ADGRL2: variants seen among roughly 807,000 people sequenced by gnomAD.
ADGRL2 encodes adhesion G protein-coupled receptor L2.
A neutral mutation model predicts 157.4 loss-of-function variants in ADGRL2; 44 were observed. That is an observed-to-expected ratio of 0.28 (90% CI 0.22 to 0.36). The LOEUF is 0.36. ADGRL2 is among the 10% of genes least tolerant of loss of function. The pLI is 1.00. For synonymous variants in ADGRL2, 585 were observed against 624.7 expected (o/e 0.94, Z 0.95); for missense variants, 1,510 against 1,768.9 (o/e 0.85, Z 2.63).
intron 3 of ADGRL2, among the ~76,000 whole-genome samples, chr1:81,613,440 A>G (rs2081582001): frequency 6.6e-6 from 1 of 152,334 alleles, no homozygotes; most frequent in East Asian, 1.9e-4. Context: ...TGAAGGTCAT[A>G]TAGAGATAAC....
At chr1:81,761,164 C>G (rs1185941408) in intron 1 of ADGRL2, among the ~76,000 whole-genome samples, 1 of 151,746 alleles carries the variant, frequency 6.6e-6, no homozygotes, top group Admixed American at 6.6e-5. Flanking sequence ...TTTACAGAAA[C>G]AATATCTTTC....
intron 3 of ADGRL2, among the ~76,000 whole-genome samples, chr1:81,657,723 T>A (rs921750503): frequency 6.6e-6 from 1 of 152,158 alleles, no homozygotes; most frequent in African/African-American, 2.4e-5. Context: ...CTGATGTCAT[T>A]TTTCTATTTG....
intron 1 of ADGRL2, among the ~76,000 whole-genome samples, chr1:81,311,088 T>C (rs975205084): frequency 1.3e-5 from 2 of 152,142 alleles, no homozygotes; most frequent in Admixed American, 1.3e-4. Context: ...TGCAAAAATA[T>C]TTAAACAACT....
intron 2 of ADGRL2, among the ~76,000 whole-genome samples, chr1:81,454,386 G>A (rs1321901803): frequency 6.6e-6 from 1 of 152,088 alleles, no homozygotes; most frequent in Non-Finnish European, 1.5e-5. Flanking sequence ...TGCTCTCATG[G>A]TGATTCATTA....
At chr1:81,501,927 A>T in intron 2 of ADGRL2, 1 of 1,613,974 alleles carries the variant, frequency 6.2e-7, no homozygotes, top group Non-Finnish European at 8.5e-7. Context: ...CTGGTCACGC[A>T]GCCGACTCTC....
intron 1 of ADGRL2, among the ~76,000 whole-genome samples, chr1:81,314,859 T>C (rs139820670): frequency 6.6e-6 from 1 of 152,322 alleles, no homozygotes; most frequent in East Asian, 1.9e-4. Context: ...TATAACATTG[T>C]GATCATTTCC....
At chr1:81,314,019 G>A (rs6669537) in intron 1 of ADGRL2, among the ~76,000 whole-genome samples, 67,601 of 151,958 alleles carry the variant, frequency 0.44, 15,429 homozygotes, top group Middle Eastern at 0.55. Context: ...TAATTACGTC[G>A]ATAGTGAAAG....
chr1:81,524,070 A>T (rs1219521347), intron 2 of ADGRL2, among the ~76,000 whole-genome samples: 6 of 149,318 alleles, frequency 4.0e-5, no homozygotes, highest in Non-Finnish European at 7.4e-5. Context: ...TCTCAAAAAT[A>T]AAAAAATGGG....
chr1:81,468,529 AACCATGTTTTTT>A (rs2078106998), intron 2 of ADGRL2, among the ~76,000 whole-genome samples: 1 of 152,206 alleles, frequency 6.6e-6, no homozygotes, highest in South Asian at 2.1e-4. Flanking sequence ...AATGAATACA[AACCATGTTTTTT>A]AAAAGCAAAG....
intron 3 of ADGRL2, among the ~76,000 whole-genome samples, chr1:81,641,948 G>A (rs2148805669): frequency 6.6e-6 from 1 of 151,660 alleles, no homozygotes; most frequent in South Asian, 2.1e-4. Context: ...GACTAACTAG[G>A]GAAATAAAGA....
At position 81,326,168 on chromosome 1, in the gene ADGRL2, C is replaced by T. The variant is rs561630227; in HGVS notation, c.-302+19659C>T. Among the ~76,000 whole-genome samples, 84 of 152,232 alleles carry T rather than the reference C, an allele frequency of 5.5e-4. No homozygotes were observed. The South Asian group carries it at 0.016, about 30-fold the overall frequency. ...TAAGCATCCCATGATAGATACTGTG[C>T]TTAATCTGAGCCAGAGATTTGAGGC... On this transcript the variant is annotated intron_variant, in intron 1 of 24. Coordinates refer to the ADGRL2 transcript ENST00000370721.
chr1:81,413,321 A>G (rs1265797931), intron 1 of ADGRL2, among the ~76,000 whole-genome samples: 2 of 152,158 alleles, frequency 1.3e-5, no homozygotes, highest in Non-Finnish European at 2.9e-5. Flanking sequence ...AGACCAAATA[A>G]TATTTCCAAT....
intron 1 of ADGRL2, among the ~76,000 whole-genome samples, chr1:81,742,133 G>T (rs2085091938): frequency 6.6e-6 from 1 of 151,856 alleles, no homozygotes; most frequent in Non-Finnish European, 1.5e-5. Context: ...TCCTGGCTTT[G>T]TCTACTAGCC....
chr1:81,647,799 G>A (rs1044373283), intron 3 of ADGRL2, among the ~76,000 whole-genome samples: 11 of 152,298 alleles, frequency 7.2e-5, no homozygotes, highest in African/African-American at 1.9e-4. Context: ...ACAGGAAGTT[G>A]CTATTCCATG....
intron 3 of ADGRL2, among the ~76,000 whole-genome samples, chr1:81,651,208 G>A (rs1253951834): frequency 6.6e-6 from 1 of 152,048 alleles, no homozygotes; most frequent in Non-Finnish European, 1.5e-5. Flanking sequence ...AAGGAAAGAT[G>A]CACACTGGGT....
chr1:81,689,126 C>G (rs2083283899), intron 3 of ADGRL2, among the ~76,000 whole-genome samples: 1 of 152,194 alleles, frequency 6.6e-6, no homozygotes, highest in Admixed American at 6.5e-5. Flanking sequence ...GTAACAAAGA[C>G]ACAGTAGTTT....
At chr1:81,583,056 C>T (rs770300474) in intron 3 of ADGRL2, among the ~76,000 whole-genome samples, 4 of 152,028 alleles carry the variant, frequency 2.6e-5, no homozygotes, top group Non-Finnish European at 5.9e-5. Flanking sequence ...TCTGTTATAC[C>T]GTACACCAAC....
intron 3 of ADGRL2, among the ~76,000 whole-genome samples, chr1:81,627,587 G>T (rs531412604): frequency 6.6e-6 from 1 of 151,830 alleles, no homozygotes; most frequent in East Asian, 1.9e-4. Context: ...CTCTATTTTC[G>T]CTATGAAGAA....
At chr1:81,982,485 T>TCAGATGAAACTTA (rs1201505394) in intron 19 of ADGRL2, among the ~76,000 whole-genome samples, 2 of 151,886 alleles carry the variant, frequency 1.3e-5, no homozygotes, top group African/African-American at 2.4e-5. Context: ...TTAAGTGGAG[T>TCAGATGAAACTTA]CAGATGAAAC....
Sources: gnomAD v4.1 joint callset for allele counts (sites outside exome capture counted in the v4.1 genomes callset) on GRCh38, gnomAD v4.1.1 for gene constraint, MANE v1.5 for transcripts, NCBI Gene and HGNC (gene_info 2026-07-23, HGNC 2026-07-21) for gene names.